The following WDR41 variants were observed in gnomAD, a reference collection of about 807,000 sequenced individuals.
WDR41 encodes the protein WD repeat-containing protein 41.
A neutral mutation model predicts 69.3 loss-of-function variants in WDR41; 63 were observed. That is an observed-to-expected ratio of 0.91 (90% confidence interval 0.74 to 1.12). The LOEUF (loss-of-function observed/expected upper bound fraction) is 1.12. Among genes scored for constraint, WDR41 ranks in the 50% most tolerant of loss-of-function variants. The pLI is 0.00. For missense variants in WDR41, 543 were observed against 534.5 expected (o/e 1.02, Z -0.16); for synonymous variants, 185 against 192.1 (o/e 0.96, Z 0.31).
chr5:77,466,604 GA>G (rs1224895259), intron 2 of WDR41, among the ~76,000 whole-genome samples: 1 of 151,894 alleles, frequency 6.6e-6, no homozygotes, highest in African/African-American at 2.4e-5. Context: ...AGAGATGACT[GA>G]GAACAGCTGA....
intron 1 of WDR41, among the ~76,000 whole-genome samples, chr5:77,560,128 C>G (rs1743494336): frequency 6.6e-6 from 1 of 152,150 alleles, no homozygotes; most frequent in African/African-American, 2.4e-5. Flanking sequence ...ATAAACCAAT[C>G]ACACAAATTC....
intron 1 of WDR41, among the ~76,000 whole-genome samples, chr5:77,506,954 G>A (rs1044413868): frequency 1.3e-5 from 2 of 152,238 alleles, no homozygotes; most frequent in South Asian, 2.1e-4. Flanking sequence ...GTTGTTGGGT[G>A]CAGCAAACCA....
chr5:77,486,987 G>C (rs1801554626), intron 2 of WDR41, among the ~76,000 whole-genome samples: 1 of 152,206 alleles, frequency 6.6e-6, no homozygotes, highest in South Asian at 2.1e-4. Flanking sequence ...GAGCACCACT[G>C]TGGGGAAAAT....
At chr5:77,486,006 A>G (rs2112097723) in intron 2 of WDR41, among the ~76,000 whole-genome samples, 1 of 152,358 alleles carries the variant, frequency 6.6e-6, no homozygotes, top group East Asian at 1.9e-4. Flanking sequence ...GGATAATGAT[A>G]TAAAATTTTA....
At chr5:77,544,509 G>A (rs769634436) in intron 1 of WDR41, among the ~76,000 whole-genome samples, 2 of 152,032 alleles carry the variant, frequency 1.3e-5, no homozygotes, top group African/African-American at 2.4e-5. Context: ...AAAGCAAGTA[G>A]GAGTAGCTGT....
At chr5:77,460,649 G>A (rs551260647) in intron 4 of WDR41, among the ~76,000 whole-genome samples, 1 of 152,062 alleles carries the variant, frequency 6.6e-6, no homozygotes, top group East Asian at 1.9e-4. Flanking sequence ...GAGCTATCTT[G>A]GGGACTGAAC....
At chr5:77,451,606 C>A (rs1799631460) in intron 6 of WDR41, 4 of 381,926 alleles carry the variant, frequency 1.0e-5, no homozygotes, top group Non-Finnish European at 1.4e-5. Flanking sequence ...CTTTTTTTTA[C>A]TATTGTGATA....
intron 3 of WDR41, among the ~76,000 whole-genome samples, chr5:77,464,548 G>GA (rs145113998): frequency 0.12 from 17,495 of 151,510 alleles, 1,236 homozygotes; most frequent in East Asian, 0.25. Context: ...CACCCAGCTG[G>GA]AAAAAAAATC....
At chr5:77,491,989 G>A (rs1217409471) in intron 1 of WDR41, 181 bp downstream of exon 1, 5 of 737,908 alleles carry the variant, frequency 6.8e-6, no homozygotes, top group Non-Finnish European at 1.1e-5. Context: ...CCGGGTCTGA[G>A]GAGCTCCGGC....
At chr5:77,479,431 G>A (rs1438096899) in intron 2 of WDR41, among the ~76,000 whole-genome samples, 3 of 152,038 alleles carry the variant, frequency 2.0e-5, no homozygotes, top group Non-Finnish European at 4.4e-5. Context: ...TATACTACAA[G>A]GCTACAGTAA....
chr5:77,502,445 C>T (rs964193806), intron 1 of WDR41, among the ~76,000 whole-genome samples: 3 of 152,162 alleles, frequency 2.0e-5, no homozygotes, highest in Non-Finnish European at 2.9e-5. Flanking sequence ...GGAAAACACT[C>T]TTCAGGATAT....
At chr5:77,575,664 C>G (rs1162767962) in intron 1 of WDR41, among the ~76,000 whole-genome samples, 2 of 152,152 alleles carry the variant, frequency 1.3e-5, no homozygotes, top group African/African-American at 2.4e-5. Context: ...AATTGTGCAA[C>G]CTGTTCACCC....
At chr5:77,450,735 C>T (rs3822628) in intron 7 of WDR41, among the ~76,000 whole-genome samples, 9,838 of 152,238 alleles carry the variant, frequency 0.065, 568 homozygotes, top group African/African-American at 0.15. Context: ...CAAAGATTAG[C>T]ATCACTAACA....
intron 1 of WDR41, chr5:77,491,356 C>T (rs903562982): frequency 6.1e-6 from 1 of 164,402 alleles, no homozygotes; most frequent in Non-Finnish European, 1.3e-5. Flanking sequence ...CGCTGACTCT[C>T]TTTTCGGACT....
chr5:77,583,021 C>A lies in WDR41; in HGVS notation c.42+37458G>T. 4.4e-6 allele frequency: 7 copies of A among 1,598,768 alleles called. No individual in the cohort carries two copies. The South Asian group carries it at 6.6e-5, about 15-fold the overall frequency. ...CCTGTGGCCCTTCAAATTGTCTTCT[C>A]CACGAGGTGGAATGAAGAAAAAGAC... On this transcript the variant is annotated intron_variant, in intron 1 of 5. Coordinates refer to the WDR41 transcript ENST00000509971.
rs1057092452 is a variant in WDR41 at position 77,613,547 on chromosome 5, G to C, written c.42+6932C>G. 4.6e-5 allele frequency among the ~76,000 whole-genome samples: 7 copies of C among 152,202 alleles called. No individual in the cohort carries two copies. The South Asian group carries it at 6.2e-4, about 14-fold the overall frequency. On this transcript the variant is annotated intron_variant, in intron 1 of 5. Coordinates refer to the WDR41 transcript ENST00000509971. ...CTGAGAAAAACAAGAAATGGGGAAAGGATTCCCTATTTAATAAATGGTGCT... is the reference window on the plus strand; with the variant it reads ...CTGAGAAAAACAAGAAATGGGGAAACGATTCCCTATTTAATAAATGGTGCT...
At chr5:77,593,904 A>C (rs953440650) in intron 1 of WDR41, among the ~76,000 whole-genome samples, 7 of 152,206 alleles carry the variant, frequency 4.6e-5, no homozygotes, top group African/African-American at 1.7e-4. Flanking sequence ...TTTATTCATA[A>C]GTTATATTAA....
intron 1 of WDR41, among the ~76,000 whole-genome samples, chr5:77,510,120 G>T (rs1288019744): frequency 6.6e-6 from 1 of 152,196 alleles, no homozygotes. Context: ...ATTTACAAAA[G>T]AAAGAGGTTT....
intron 1 of WDR41, among the ~76,000 whole-genome samples, chr5:77,499,123 A>T (rs1801979965): frequency 6.6e-6 from 1 of 152,222 alleles, no homozygotes; most frequent in Non-Finnish European, 1.5e-5. Flanking sequence ...CTTTCTCTCC[A>T]ATTGAACACA....
Sources: allele counts gnomAD v4.1 joint callset (sites outside exome capture counted in the v4.1 genomes callset), GRCh38; gene constraint gnomAD v4.1.1; transcripts MANE v1.5; gene names NCBI Gene and HGNC (gene_info 2026-07-23, HGNC 2026-07-21).